NCAM2: variants seen among roughly 807,000 people sequenced by gnomAD.
NCAM2 encodes the protein N-CAM-2.
In NCAM2, 30 loss-of-function variants were observed where a neutral mutation model predicts 98.1. The ratio of observed to expected loss-of-function variants is 0.31; its 90% CI spans 0.23 to 0.41. The LOEUF is 0.41. Ranked by LOEUF, NCAM2 falls within the 10% of genes least tolerant of loss-of-function variation. The pLI is 1.00. For synonymous variants in NCAM2, 368 were observed against 342.4 expected (o/e 1.07, Z -0.83); for missense variants, 867 against 1,005.8 (o/e 0.86, Z 1.87).
chr21:21,410,233 A>T, intron 9 of NCAM2, 41 bp from the exon 10 acceptor site: 1 of 1,119,148 alleles, frequency 8.9e-7, no homozygotes, highest in Middle Eastern at 2.9e-4. Context: ...TATTTAACTT[A>T]AAGAAAATGC....
intron 1 of NCAM2, among the ~76,000 whole-genome samples, chr21:21,212,304 G>C (rs907482362): frequency 3.3e-5 from 5 of 152,166 alleles, no homozygotes; most frequent in Non-Finnish European, 7.3e-5. Context: ...ATTCAAAAAA[G>C]TTGTATAATT....
intron 6 of NCAM2, among the ~76,000 whole-genome samples, chr21:21,333,837 A>G (rs2074781190): frequency 6.6e-6 from 1 of 152,156 alleles, no homozygotes; most frequent in African/African-American, 2.4e-5. Flanking sequence ...ATTATGATGA[A>G]AACCCTATCT....
chr21:21,427,680 A>G (rs1477044065), intron 11 of NCAM2, among the ~76,000 whole-genome samples: 1 of 152,202 alleles, frequency 6.6e-6, no homozygotes, highest in African/African-American at 2.4e-5. Flanking sequence ...AAGTTCATTC[A>G]GTGACTCCAG....
rs772928632 is a variant in NCAM2 at position 21,468,659 on chromosome 21, T to C, written c.1775-3T>C. On this transcript the variant is annotated splice_region_variant and splice_polypyrimidine_tract_variant and intron_variant, in intron 13 of 17. Transcript: ENST00000400546. ...ATGAAGAAATGTTGTATTGTATATC[T>C]AGGTGAACCAAGTCCTCCATCCATA... 45 of 1,609,312 alleles carry C rather than the reference T, an allele frequency of 2.8e-5. 2 individuals carry two copies. In the South Asian group the frequency reaches 4.9e-4, roughly 17 times the overall value.
intron 1 of NCAM2, among the ~76,000 whole-genome samples, chr21:21,014,546 A>G (rs1014152517): frequency 6.6e-6 from 1 of 152,208 alleles, no homozygotes; most frequent in African/African-American, 2.4e-5. Flanking sequence ...AGCTCACTGT[A>G]GGGACCTACT....
At chr21:21,509,516 T>A (rs1337609591) in intron 16 of NCAM2, among the ~76,000 whole-genome samples, 1 of 152,162 alleles carries the variant, frequency 6.6e-6, no homozygotes, top group East Asian at 1.9e-4. Context: ...GCTTCATGAT[T>A]TTTTGTATAG....
At chr21:21,337,584 C>A (rs2074907929) in intron 7 of NCAM2, among the ~76,000 whole-genome samples, 1 of 151,666 alleles carries the variant, frequency 6.6e-6, no homozygotes, top group Non-Finnish European at 1.5e-5. Flanking sequence ...TTGATTGTAT[C>A]CATTTTATAT....
At position 21,056,139 on chromosome 21, in the gene NCAM2, G is replaced by A. The variant is rs186059350; in HGVS notation, c.55+57521G>A. On this transcript the variant is annotated intron_variant, in intron 1 of 17. Coordinates refer to ENST00000400546, the MANE Select transcript of NCAM2 (RefSeq NM_004540.5). ...CAATAAAATAATTGGAGGAAAAAAAGCCTGTGTCTTTATATATTAGAAATG... is the reference window on the plus strand; with the variant it reads ...CAATAAAATAATTGGAGGAAAAAAAACCTGTGTCTTTATATATTAGAAATG... Among the ~76,000 whole-genome samples, 371 of 152,096 alleles carry A rather than the reference G, an allele frequency of 2.4e-3. 1 individual carries two copies. The highest frequency in any genetic ancestry group is 7.8e-3 in the African/African-American group (326 of 41,538).
intron 1 of NCAM2, among the ~76,000 whole-genome samples, chr21:21,150,854 A>G (rs188648883): frequency 6.6e-6 from 1 of 152,052 alleles, no homozygotes; most frequent in African/African-American, 2.4e-5. Flanking sequence ...TTAATTGGGA[A>G]GTGCTCTCTG....
chr21:21,415,231 A>G (rs1451413072), intron 10 of NCAM2, among the ~76,000 whole-genome samples: 5 of 152,040 alleles, frequency 3.3e-5, no homozygotes, highest in Non-Finnish European at 7.4e-5. Context: ...CTCTAGCTAT[A>G]AAAGTCTAGA....
At position 21,259,121 on chromosome 21, in the gene NCAM2, T is replaced by TC. The variant is rs947854774; in HGVS notation, c.56-21452dup. On this transcript the variant is annotated intron_variant, in intron 1 of 17. Coordinates refer to ENST00000400546, the MANE Select transcript of NCAM2 (RefSeq NM_004540.5). ...TTCACACTTTTTGCGGTGGCTCCAC[T>TC]CCCCCTGAAAATGAGGATGTGCAGC... Among the ~76,000 whole-genome samples, 22 of 152,012 alleles carry TC rather than the reference T, an allele frequency of 1.4e-4. No homozygotes were observed. In the South Asian group the frequency reaches 2.7e-3, roughly 19 times the overall value.
chr21:21,382,433 CCT>C (rs2076173259), intron 9 of NCAM2, among the ~76,000 whole-genome samples: 1 of 151,900 alleles, frequency 6.6e-6, no homozygotes, highest in Non-Finnish European at 1.5e-5. Context: ...TCTCTTGTTT[CCT>C]CTTCAAGTCA....
intron 1 of NCAM2, among the ~76,000 whole-genome samples, chr21:21,265,475 ATATT>A (rs1295110084): frequency 1.8e-4 from 25 of 142,676 alleles, no homozygotes; most frequent in Admixed American, 4.3e-4. Context: ...GTGTGTATAT[ATATT>A]ATATATACAC....
chr21:21,083,193 C>T (rs907736496), intron 1 of NCAM2, among the ~76,000 whole-genome samples: 5 of 152,104 alleles, frequency 3.3e-5, no homozygotes, highest in African/African-American at 1.2e-4. Flanking sequence ...TAACGTGGTA[C>T]ATGGAACCTG....
intron 9 of NCAM2, chr21:21,385,643 A>G (rs918761336): frequency 3.3e-5 from 43 of 1,287,850 alleles, no homozygotes; most frequent in South Asian, 5.0e-5. Context: ...TTCATTTTCA[A>G]CATTTCCGAG....
chr21:21,185,029 A>T (rs758672733), intron 1 of NCAM2, among the ~76,000 whole-genome samples: 20 of 152,206 alleles, frequency 1.3e-4, no homozygotes, highest in Non-Finnish European at 2.6e-4. Flanking sequence ...TTTCAGTAGG[A>T]TGAGAGTAAT....
chr21:21,523,468 T>C (rs1467745993), intron 16 of NCAM2, among the ~76,000 whole-genome samples: 1 of 151,452 alleles, frequency 6.6e-6, no homozygotes, highest in Non-Finnish European at 1.5e-5. Flanking sequence ...CCCTAATATA[T>C]GTTTAAAGAA....
chr21:20,998,700 GAATGA>G, intron 1 of NCAM2, 82 bp downstream of exon 1: 5 of 1,312,892 alleles, frequency 3.8e-6, no homozygotes, highest in Non-Finnish European at 4.4e-6. Flanking sequence ...GGCGCAGGAA[GAATGA>G]AATGAAAGAA....
chr21:21,434,258 A>G, intron 12 of NCAM2, among the ~76,000 whole-genome samples: 1 of 152,240 alleles, frequency 6.6e-6, no homozygotes, highest in East Asian at 1.9e-4. Flanking sequence ...TATATTATGA[A>G]GATACAAAAT....
Sources: gnomAD v4.1 joint callset for allele counts (sites outside exome capture counted in the v4.1 genomes callset) on GRCh38, gnomAD v4.1.1 for gene constraint, MANE v1.5 for transcripts, NCBI Gene and HGNC (gene_info 2026-07-23, HGNC 2026-07-21) for gene names.